The following PAG1 variants were observed in gnomAD, a reference collection of about 807,000 sequenced individuals.
PAG1 encodes the protein phosphoprotein membrane anchor with glycosphingolipid microdomains 1.
Under a neutral mutation model 31.7 loss-of-function variants are expected in PAG1, and 23 were observed. The observed-to-expected ratio is 0.73, with a 90% confidence interval of 0.52 to 1.03. The LOEUF (loss-of-function observed/expected upper bound fraction) is 1.03, where lower values mean the gene tolerates loss of function less well. PAG1 is among the 50% of genes least tolerant of loss of function. The pLI, the probability that PAG1 is intolerant of heterozygous loss-of-function variation, is 0.00. For missense variants in PAG1, 473 were observed against 540.7 expected (o/e 0.87, Z 1.24); for synonymous variants, 214 against 210.3 (o/e 1.02, Z -0.15).
intron 1 of PAG1, among the ~76,000 whole-genome samples, chr8:81,106,502 A>T (rs1002388317): frequency 6.6e-6 from 1 of 152,132 alleles, no homozygotes; most frequent in Non-Finnish European, 1.5e-5. Context: ...TACATTTAGG[A>T]GACTAAATTT....
At chr8:81,053,887 A>T (rs1251256909) in intron 2 of PAG1, among the ~76,000 whole-genome samples, 1 of 152,318 alleles carries the variant, frequency 6.6e-6, no homozygotes, top group East Asian at 1.9e-4. Flanking sequence ...AGGGTATGCG[A>T]ATGCTTTCTG....
At chr8:81,072,147 T>C (rs1201461131) in intron 1 of PAG1, among the ~76,000 whole-genome samples, 1 of 152,154 alleles carries the variant, frequency 6.6e-6, no homozygotes, top group African/African-American at 2.4e-5. Flanking sequence ...AGTGAGTATA[T>C]CTAATAAAGC....
intron 2 of PAG1, among the ~76,000 whole-genome samples, chr8:81,043,041 G>T (rs1199888824): frequency 6.6e-6 from 1 of 152,036 alleles, no homozygotes; most frequent in African/African-American, 2.4e-5. Context: ...CATACTTTCT[G>T]TCTTTTTTAT....
At chr8:80,983,921 T>C (rs987424788) in intron 7 of PAG1, among the ~76,000 whole-genome samples, 2 of 152,222 alleles carry the variant, frequency 1.3e-5, no homozygotes, top group Non-Finnish European at 2.9e-5. Flanking sequence ...CAAAGAATGA[T>C]TTTCTTGGTC....
chr8:81,101,208 A>G (rs1484949942), intron 1 of PAG1, among the ~76,000 whole-genome samples: 1 of 152,206 alleles, frequency 6.6e-6, no homozygotes, highest in South Asian at 2.1e-4. Context: ...AAAAGCTGTT[A>G]TCCATATTGT....
chr8:80,970,661 TA>T lies in PAG1; in HGVS notation c.*5882del, dbSNP rs887942370. The T allele has an allele frequency of 6.5e-6, 1 of 152,746 alleles. No individual in the cohort carries two copies. Among genetic ancestry groups the T allele is most frequent in the African/African-American group, 2.4e-5 (1 of 41,454 alleles). The allele number at this position is 152,746 out of a possible 1,614,324, so 9.5% of individuals were successfully genotyped here. A position where few individuals can be genotyped will look rare whatever the true frequency, so the allele number is the denominator to read the frequency against. On this transcript the variant is annotated 3_prime_UTR_variant, in exon 9 of 9. Transcript: ENST00000220597. ...AGTTTGATTCCACCACATAATTTTTTAAAAGTGCTTTTCCATGGCCCCTTAG... is the reference window on the plus strand; with the variant it reads ...AGTTTGATTCCACCACATAATTTTTTAAAGTGCTTTTCCATGGCCCCTTAG...
In PAG1 at chr8:80,968,228, G is replaced by A. The variant is rs1807003052; in HGVS notation, c.*8316C>T. On this transcript the variant is annotated 3_prime_UTR_variant, in exon 9 of 9. Transcript: ENST00000220597. ...TATAGCACCTTTCTTCCGAAGAGTT[G>A]AAAGCATTCGTGCTTATCTCTATTA... is the stretch of plus-strand genomic sequence containing the variant. 1 of 152,186 alleles carries A rather than the reference G, an allele frequency of 6.6e-6. No individual in the cohort carries two copies. Among genetic ancestry groups the A allele is most frequent in the South Asian group, 2.1e-4 (1 of 4,832 alleles). 9.4% of individuals were successfully genotyped at this position (152,186 alleles called of 1,614,324 possible).
intron 2 of PAG1, among the ~76,000 whole-genome samples, chr8:81,055,767 T>C (rs1370777168): frequency 7.2e-4 from 109 of 152,356 alleles, no homozygotes; most frequent in African/African-American, 2.4e-3. Context: ...TTGTCTGTTA[T>C]TGGTGTATAA....
intron 4 of PAG1, among the ~76,000 whole-genome samples, 170 bp from the exon 5 acceptor site, chr8:80,991,700 A>G (rs1054528567): frequency 1.3e-5 from 2 of 152,174 alleles, no homozygotes; most frequent in South Asian, 2.1e-4. Context: ...GCCCGTTTGC[A>G]GGTGCTGGGG....
chr8:81,074,257 AG>A (rs1563420715), intron 1 of PAG1, among the ~76,000 whole-genome samples: 1 of 152,160 alleles, frequency 6.6e-6, no homozygotes, highest in Non-Finnish European at 1.5e-5. Context: ...TCACCAGTGT[AG>A]GTGAAGATGT....
intron 1 of PAG1, among the ~76,000 whole-genome samples, chr8:81,110,685 A>C (rs1441840006): frequency 6.6e-6 from 1 of 152,240 alleles, no homozygotes; most frequent in Non-Finnish European, 1.5e-5. Context: ...TGCACAATGC[A>C]TGCTATTTTA....
chr8:81,006,726 T>G (rs776691575), intron 3 of PAG1, among the ~76,000 whole-genome samples: 3 of 152,198 alleles, frequency 2.0e-5, no homozygotes, highest in Non-Finnish European at 4.4e-5. Flanking sequence ...TAAGGCTGTG[T>G]TTATGAAAAG....
chr8:81,085,877 C>A (rs1809342833), intron 1 of PAG1, among the ~76,000 whole-genome samples: 1 of 151,198 alleles, frequency 6.6e-6, no homozygotes, highest in African/African-American at 2.4e-5. Context: ...AATGTTATAG[C>A]ATGCATTTTG....
intron 1 of PAG1, among the ~76,000 whole-genome samples, chr8:81,098,361 C>T (rs1809560233): frequency 6.6e-6 from 1 of 152,210 alleles, no homozygotes; most frequent in African/African-American, 2.4e-5. Context: ...TGTGGGTCCA[C>T]TACAGAACCC....
chr8:80,986,055 C>T (rs1807413201), intron 6 of PAG1, among the ~76,000 whole-genome samples: 1 of 152,198 alleles, frequency 6.6e-6, no homozygotes, highest in African/African-American at 2.4e-5. Context: ...GAGTGCCTGC[C>T]ATGCACCAGG....
intron 4 of PAG1, among the ~76,000 whole-genome samples, chr8:80,992,153 G>GCCCGTGCAGGC (rs11372268): frequency 6.6e-6 from 1 of 152,006 alleles, no homozygotes; most frequent in Non-Finnish European, 1.5e-5. Context: ...ACAGAAGCAG[G>GCCCGTGCAGGC]CCGTCCAGGC....
At chr8:81,048,237 GC>G (rs2130864977) in intron 2 of PAG1, among the ~76,000 whole-genome samples, 1 of 152,218 alleles carries the variant, frequency 6.6e-6, no homozygotes, top group Admixed American at 6.5e-5. Context: ...CTTAGATTCT[GC>G]CCAGTTCACT....
intron 5 of PAG1, among the ~76,000 whole-genome samples, chr8:80,988,330 G>C (rs1451836661): frequency 6.6e-6 from 1 of 152,204 alleles, no homozygotes; most frequent in Non-Finnish European, 1.5e-5. Flanking sequence ...GAAGGGAACA[G>C]ACTTAAATCT....
In PAG1 at chr8:81,066,727, G is replaced by C. The variant is rs544342905; in HGVS notation, c.-175+3385C>G. 1.8e-4 allele frequency among the ~76,000 whole-genome samples: 27 copies of C among 152,236 alleles called. No individual in the cohort carries two copies. The South Asian group carries it at 5.6e-3, about 32-fold the overall frequency. On this transcript the variant is annotated intron_variant, in intron 2 of 8. Coordinates refer to ENST00000220597, the MANE Select transcript of PAG1 (RefSeq NM_018440.4). The stretch of plus-strand genomic sequence containing the variant: ...GTAGCTTAGTTGATATTTCAAAAGA[G>C]GAAAGAGAAAGGGAGAAAGAAAAAA...
Sources: gnomAD v4.1 joint callset for allele counts (sites outside exome capture counted in the v4.1 genomes callset) on GRCh38, gnomAD v4.1.1 for gene constraint, MANE v1.5 for transcripts, NCBI Gene and HGNC (gene_info 2026-07-23, HGNC 2026-07-21) for gene names.